Variants in TRPM7 observed in about 807,000 individuals in gnomAD.
TRPM7 encodes the protein LTRPC ion channel family member 7.
Under a neutral mutation model 229.7 loss-of-function variants are expected in TRPM7, and 134 were observed. That is an observed-to-expected ratio of 0.58 (90% CI 0.51 to 0.67). The LOEUF is 0.67. Among genes scored for constraint, TRPM7 ranks in the 30% least tolerant of loss-of-function variants. The pLI is 0.00. For synonymous variants in TRPM7, 699 were observed against 715.2 expected, an observed-to-expected ratio of 0.98 and a Z score of 0.36; for missense variants, 1,901 against 2,210.0, an observed-to-expected ratio of 0.86 and a Z score of 2.80.
chr15:50,659,025 C>A (rs888348733), intron 2 of TRPM7, among the ~76,000 whole-genome samples: 44 of 151,940 alleles, frequency 2.9e-4, no homozygotes, highest in African/African-American at 1.1e-3. Flanking sequence ...AGTGAAACCC[C>A]GTCTCTACTA....
At chr15:50,637,799 T>C (rs1199207142) in intron 6 of TRPM7, among the ~76,000 whole-genome samples, 1 of 152,218 alleles carries the variant, frequency 6.6e-6, no homozygotes, top group Admixed American at 6.5e-5. Context: ...AACACATGAT[T>C]ATATCTTGAC....
chr15:50,679,522 ATATATATATATATATATTTT>A (rs1567129336), intron 1 of TRPM7, among the ~76,000 whole-genome samples: 2 of 23,306 alleles, frequency 8.6e-5, no homozygotes, highest in African/African-American at 2.7e-4. Context: ...ATATATATAT[ATATATATATATATATATTTT>A]TTTTTTTTTT....
intron 1 of TRPM7, among the ~76,000 whole-genome samples, chr15:50,668,150 A>T (rs577981346): frequency 2.4e-4 from 36 of 152,274 alleles, no homozygotes; most frequent in Non-Finnish European, 4.1e-4. Context: ...CAGCTATAGG[A>T]CTTTCACAGG....
chr15:50,608,052 CA>C (rs570861548), intron 19 of TRPM7, among the ~76,000 whole-genome samples: 2,580 of 76,162 alleles, frequency 0.034, 34 homozygotes, highest in South Asian at 0.044. Context: ...GAGACTCTGT[CA>C]AAAAAAAAAA....
At chr15:50,671,944 T>C (rs777621796) in intron 1 of TRPM7, among the ~76,000 whole-genome samples, 2 of 152,108 alleles carry the variant, frequency 1.3e-5, no homozygotes, top group Non-Finnish European at 2.9e-5. Context: ...TATACAACTA[T>C]GTACAGTACA....
chr15:50,594,113 T>G (rs564800837), intron 24 of TRPM7, among the ~76,000 whole-genome samples: 2 of 152,350 alleles, frequency 1.3e-5, no homozygotes, highest in Admixed American at 6.5e-5. Flanking sequence ...ATTAGTCTCA[T>G]GTACACAGAA....
chr15:50,680,641 G>C (rs1411963102), intron 1 of TRPM7, among the ~76,000 whole-genome samples: 1 of 151,268 alleles, frequency 6.6e-6, no homozygotes, highest in Non-Finnish European at 1.5e-5. Context: ...ACAGAAATTT[G>C]ATAGTAAAGG....
chr15:50,618,021 T>C (rs540057076), intron 13 of TRPM7, among the ~76,000 whole-genome samples: 8 of 152,232 alleles, frequency 5.3e-5, no homozygotes, highest in African/African-American at 1.7e-4. Context: ...AAATAAATAA[T>C]TCTAAACAAA....
intron 27 of TRPM7, chr15:50,588,185 CTT>C (rs2059392042): frequency 1.0e-6 from 1 of 981,822 alleles, no homozygotes. Context: ...ACTAAAGAGA[CTT>C]TACCTCATAT....
Position 50,596,289 on chromosome 15 carries a change from T to C in TRPM7, c.3256A>G (p.Ile1086Val). The C allele has an allele frequency of 6.3e-7, 1 of 1,583,598 alleles. No homozygotes were observed. The highest frequency in any genetic ancestry group is 8.6e-7 in the Non-Finnish European group (1 of 1,165,064). ...LQAVYLFVQY[I>V]IMVNLLIAFF... ...GCAATAAGAAGATTAACCATAATGA[T>C]ATACTGTACAAAGAGGTAGACTGCT... The change falls in exon 23 of 39, where the codon ATC becomes GTC. Residue 1086 changes from isoleucine (I) to valine (V), a missense_variant. Ile to Val is a conservative substitution (Grantham distance 29, BLOSUM62 3). Around this residue, in one of 8 missense-constraint regions of TRPM7, gnomAD observed 89 missense variants for 178.2 expected, o/e 0.50. Coordinates refer to ENST00000646667, the MANE Select transcript of TRPM7 (RefSeq NM_017672.6).
chr15:50,578,747 T>C, intron 30 of TRPM7, 83 bp from the exon 31 acceptor site: 1 of 936,030 alleles, frequency 1.1e-6, no homozygotes. Flanking sequence ...TTTTATACAA[T>C]TATTATATAA....
In TRPM7 at chr15:50,558,326, T is replaced by G. The variant is rs1237741188; in HGVS notation, c.*3352A>C. Reference sequence around the variant, plus strand: ...TGGGAAGCTCAGGCGAGAGGATCACTTGAGCCCAGGAATTTGAGACCAGCG... The same window carrying G: ...TGGGAAGCTCAGGCGAGAGGATCACGTGAGCCCAGGAATTTGAGACCAGCG... On this transcript the variant is annotated 3_prime_UTR_variant, in exon 39 of 39. Transcript: ENST00000646667. The G allele has an allele frequency of 6.6e-6, 1 of 152,386 alleles. No homozygotes were observed. Among genetic ancestry groups the G allele is most frequent in the Non-Finnish European group, 1.5e-5 (1 of 68,170 alleles). 9.4% of individuals were successfully genotyped at this position (152,386 alleles called of 1,614,324 possible).
intron 38 of TRPM7, among the ~76,000 whole-genome samples, chr15:50,569,271 T>G (rs2053757700): frequency 6.6e-6 from 1 of 152,142 alleles, no homozygotes; most frequent in African/African-American, 2.4e-5. Flanking sequence ...AGGTTTGTGC[T>G]TTAACTAACA....
intron 1 of TRPM7, among the ~76,000 whole-genome samples, chr15:50,665,623 T>C (rs1476777991): frequency 6.6e-6 from 1 of 152,168 alleles, no homozygotes; most frequent in Non-Finnish European, 1.5e-5. Flanking sequence ...GAAAATTCTA[T>C]GCACTTGAAA....
intron 10 of TRPM7, among the ~76,000 whole-genome samples, chr15:50,629,095 A>G (rs11635045): frequency 0.59 from 89,605 of 151,932 alleles, 26,727 homozygotes; most frequent in African/African-American, 0.66. Context: ...GTATGTTTTC[A>G]TGCACATGCT....
At position 50,593,580 on chromosome 15, in the gene TRPM7, T is replaced by A. The variant is rs1324621447; in HGVS notation, c.3608+37A>T. On this transcript the variant is annotated intron_variant, in intron 25 of 38. Coordinates refer to ENST00000646667, the MANE Select transcript of TRPM7 (RefSeq NM_017672.6). ...GAAATATAACGAATAGATCCCATTT[T>A]GACATATAACCGATTTTAACTAAAG... is the stretch of plus-strand genomic sequence containing the variant. 3 of 1,593,336 alleles carry A rather than the reference T, an allele frequency of 1.9e-6. No homozygotes were observed. In the African/African-American group the frequency reaches 4.1e-5, roughly 22 times the overall value.
intron 19 of TRPM7, 26 bp downstream of exon 19, chr15:50,609,555 T>C (rs771175828): frequency 6.3e-6 from 10 of 1,588,996 alleles, no homozygotes; most frequent in Non-Finnish European, 6.0e-6. Flanking sequence ...TTAAAAACAT[T>C]ATGCTTGTGT....
In TRPM7 at chr15:50,637,439, T is replaced by C; in HGVS notation, c.815A>G (p.Gln272Arg). ...LRRELEKTIN[Q>R]QRIHARIGQG... ...TCACTTACTAGCATGAATTCTTTGC[T>C]GATTAATAGTTTTTTCAAGTTCTCT... The change falls in exon 7 of 39, where the codon CAG (glutamine) becomes CGG (arginine). Residue 272 changes from glutamine to arginine, a missense_variant. Gln to Arg is a conservative substitution (Grantham distance 43). Around this residue, in one of 8 missense-constraint regions of TRPM7, gnomAD observed 794 missense variants for 881.9 expected, o/e 0.90. Transcript: ENST00000646667. The C allele has an allele frequency of 6.2e-7, 1 of 1,613,074 alleles. No individual in the cohort carries two copies. Among genetic ancestry groups the C allele is most frequent in the Non-Finnish European group, 8.5e-7 (1 of 1,179,722 alleles).
chr15:50,634,375 C>G lies in TRPM7; in HGVS notation c.1007+7G>C. 1 of 1,536,272 alleles carries G rather than the reference C, an allele frequency of 6.5e-7. No homozygotes were observed. On this transcript the variant is annotated splice_region_variant and intron_variant, in intron 8 of 38. Coordinates refer to ENST00000646667, the MANE Select transcript of TRPM7 (RefSeq NM_017672.6). ...TAAAATTAATTAAAATGTTGTCATACACTTACCCTCCTTCTTCTGTTTGTT... is the reference window on the plus strand; with the variant it reads ...TAAAATTAATTAAAATGTTGTCATAGACTTACCCTCCTTCTTCTGTTTGTT...
Sources: gnomAD v4.1 joint callset for allele counts (sites outside exome capture counted in the v4.1 genomes callset) on GRCh38, gnomAD v4.1.1 for gene constraint, gnomAD v4.1.1 regional missense constraint, MANE v1.5 for transcripts, NCBI Gene and HGNC (gene_info 2026-07-23, HGNC 2026-07-21) for gene names.